The following RAB8B variants were observed in gnomAD, a reference collection of about 807,000 sequenced individuals.
RAB8B encodes ras-related protein Rab-8B.
A neutral mutation model predicts 32.0 loss-of-function variants in RAB8B; 11 were observed. The ratio of observed to expected loss-of-function variants is 0.34; its 90% CI spans 0.22 to 0.57. The LOEUF (loss-of-function observed/expected upper bound fraction) is 0.57. Among genes scored for constraint, RAB8B ranks in the 20% least tolerant of loss-of-function variants. The probability of loss-of-function intolerance (pLI) is 0.86; values close to 1 mark genes in which losing one functional copy is unlikely to be tolerated. For missense variants in RAB8B, 190 were observed against 258.5 expected (o/e 0.73, Z 1.82); for synonymous variants, 103 against 89.6 (o/e 1.15, Z -0.85).
In RAB8B at chr15:63,213,231, A is replaced by G. The variant is rs8028338; in HGVS notation, c.124+23483A>G. Among the ~76,000 whole-genome samples, 919 of 152,188 alleles carry G rather than the reference A, an allele frequency of 6.0e-3. 5 individuals are homozygous for G. Among genetic ancestry groups the G allele is most frequent in the Non-Finnish European group, 0.011 (722 of 67,998 alleles). On this transcript the variant is annotated intron_variant, in intron 1 of 7. Transcript: ENST00000321437. ...GTTATTACTAGATAATTCCTTTCTG[A>G]CTTCTTCCTTCAAATAAAATCTGAT...
At chr15:63,212,292 T>C (rs1818957650) in intron 1 of RAB8B, among the ~76,000 whole-genome samples, 2 of 152,210 alleles carry the variant, frequency 1.3e-5, no homozygotes, top group African/African-American at 4.8e-5. Flanking sequence ...TAGGTCACCA[T>C]GTTTATCATT....
At chr15:63,250,945 C>A (rs568990560) in intron 3 of RAB8B, among the ~76,000 whole-genome samples, 8 of 151,784 alleles carry the variant, frequency 5.3e-5, no homozygotes, top group South Asian at 2.1e-4. Context: ...TGTCCCCACA[C>A]CTCTAGGAAG....
At chr15:63,255,812 G>A (rs16946701) in intron 4 of RAB8B, among the ~76,000 whole-genome samples, 11,379 of 152,236 alleles carry the variant, frequency 0.075, 863 homozygotes, top group African/African-American at 0.19. Context: ...CCAGATATGG[G>A]AAATAATTTA....
chr15:63,245,439 A>G (rs577648975), intron 2 of RAB8B, among the ~76,000 whole-genome samples: 1 of 152,398 alleles, frequency 6.6e-6, no homozygotes, highest in Admixed American at 6.5e-5. Flanking sequence ...CATACATAGC[A>G]CAGTACTTCT....
intron 1 of RAB8B, among the ~76,000 whole-genome samples, chr15:63,216,227 A>ATTTT (rs2037790257): frequency 9.6e-6 from 1 of 104,680 alleles, no homozygotes; most frequent in African/African-American, 3.5e-5. Flanking sequence ...TTAATTAATT[A>ATTTT]ATTATTATTT....
chr15:63,244,874 AATGTGAATTGTAAT>A (rs2038059240), intron 2 of RAB8B, 58 bp downstream of exon 2: 1 of 1,402,594 alleles, frequency 7.1e-7, no homozygotes, highest in Non-Finnish European at 9.9e-7. Context: ...GTAGGAATTA[AATGTGAATTGTAAT>A]AAGTTAGAGG....
intron 1 of RAB8B, among the ~76,000 whole-genome samples, chr15:63,216,237 T>A (rs868601618): frequency 5.4e-5 from 8 of 146,858 alleles, no homozygotes; most frequent in African/African-American, 1.8e-4. Flanking sequence ...AATTATTATT[T>A]TTTTTTTTGG....
At chr15:63,201,974 C>T (rs750986924) in intron 1 of RAB8B, among the ~76,000 whole-genome samples, 5 of 151,400 alleles carry the variant, frequency 3.3e-5, no homozygotes, top group African/African-American at 7.3e-5. Context: ...AACTATTGGC[C>T]GGGCGCGGTG....
In RAB8B at chr15:63,248,427, G is replaced by A. The variant is rs371590463; in HGVS notation, c.186-1218G>A. On this transcript the variant is annotated intron_variant, in intron 2 of 7. Coordinates refer to ENST00000321437, the MANE Select transcript of RAB8B (RefSeq NM_016530.3). The surrounding 1 kb of genome is among the most constrained non-coding windows in gnomAD (Gnocchi z 4.4). ...CTTGGGAGGCTGAGGCAGGAGAATC[G>A]CTTGAACCCAGGAGGCAGAGGTTGC... Among the ~76,000 whole-genome samples the A allele has an allele frequency of 2.6e-5, 4 of 152,144 alleles. No homozygotes were observed. The highest frequency in any genetic ancestry group is 1.9e-4 in the East Asian group (1 of 5,184).
chr15:63,253,574 C>T (rs559931124), intron 3 of RAB8B, among the ~76,000 whole-genome samples: 15 of 151,682 alleles, frequency 9.9e-5, no homozygotes, highest in Admixed American at 5.9e-4. Context: ...CTCAGCAGCT[C>T]GGGAGGCGGA....
rs755976581 is a variant in RAB8B, at chr15:63,256,497, C to T, written c.325-8C>T. On this transcript the variant is annotated splice_polypyrimidine_tract_variant and splice_region_variant and intron_variant, in intron 4 of 7. Coordinates refer to ENST00000321437, the MANE Select transcript of RAB8B (RefSeq NM_016530.3). Reference sequence around the variant, plus strand: ...CTGTTTTTATAGCATGCTATTTTCTCCCTGCAGCATGCCTCTTCCGATGTC... The same window carrying T: ...CTGTTTTTATAGCATGCTATTTTCTTCCTGCAGCATGCCTCTTCCGATGTC... 1 of 1,584,966 alleles carries T rather than the reference C, an allele frequency of 6.3e-7. No homozygotes were observed. The highest frequency in any genetic ancestry group is 1.2e-5 in the South Asian group (1 of 85,424).
intron 1 of RAB8B, among the ~76,000 whole-genome samples, chr15:63,222,788 G>T (rs868711662): frequency 3.3e-5 from 5 of 152,134 alleles, no homozygotes; most frequent in Admixed American, 3.3e-4. Context: ...TGATCCTCCC[G>T]CTTTGGCCTC....
chr15:63,238,510 C>A (rs1423873193), intron 1 of RAB8B, among the ~76,000 whole-genome samples: 1 of 152,116 alleles, frequency 6.6e-6, no homozygotes, highest in Admixed American at 6.5e-5. Context: ...CAGAGAAGTA[C>A]TACAGTTTCT....
intron 7 of RAB8B, 134 bp from the exon 8 acceptor site, chr15:63,263,393 A>G: frequency 1.6e-6 from 1 of 639,808 alleles, no homozygotes; most frequent in East Asian, 2.8e-5. Flanking sequence ...GTTCTAATAA[A>G]ATACTCTAGT....
intron 1 of RAB8B, among the ~76,000 whole-genome samples, chr15:63,240,475 G>GT (rs1386769770): frequency 2.6e-5 from 4 of 152,246 alleles, no homozygotes; most frequent in Admixed American, 2.6e-4. Flanking sequence ...CTGTTCACAA[G>GT]TTTTTAGTGA....
chr15:63,257,178 T>C (rs1288074212), intron 5 of RAB8B, among the ~76,000 whole-genome samples: 1 of 152,242 alleles, frequency 6.6e-6, no homozygotes, highest in East Asian at 1.9e-4. Context: ...AGATTCTAAA[T>C]TGACTTAGAA....
At chr15:63,244,559 G>A (rs1041001097) in intron 1 of RAB8B, among the ~76,000 whole-genome samples, 197 bp from the exon 2 acceptor site, 1 of 152,176 alleles carries the variant, frequency 6.6e-6, no homozygotes, top group African/African-American at 2.4e-5. Flanking sequence ...TTTAACACGT[G>A]TGGGAATTCT....
In RAB8B at chr15:63,223,387, G is replaced by C. The variant is rs556800571; in HGVS notation, c.125-21369G>C. Among the ~76,000 whole-genome samples the C allele has an allele frequency of 1.6e-4, 24 of 152,342 alleles. 1 individual carries two copies. In the South Asian group the frequency reaches 2.3e-3, roughly 14 times the overall value. On this transcript the variant is annotated intron_variant, in intron 1 of 7. Coordinates refer to ENST00000321437, the MANE Select transcript of RAB8B (RefSeq NM_016530.3). ...TCGGCCCCAAAGTGCTGGGATTACA[G>C]GCATGAGCCACTGGGCCCAGCCACC...
intron 1 of RAB8B, among the ~76,000 whole-genome samples, chr15:63,236,274 C>T (rs574074942): frequency 6.6e-6 from 1 of 152,174 alleles, no homozygotes; most frequent in Non-Finnish European, 1.5e-5. Context: ...AATGAAAATG[C>T]CTTTGAGTCA....
Sources: allele counts gnomAD v4.1 joint callset (sites outside exome capture counted in the v4.1 genomes callset), GRCh38; gene constraint gnomAD v4.1.1; non-coding constraint Gnocchi (gnomAD v3.1); transcripts MANE v1.5; gene names NCBI Gene and HGNC (gene_info 2026-07-23, HGNC 2026-07-21).